Variants in ST3GAL3 observed in about 807,000 individuals in gnomAD.
The protein encoded by ST3GAL3 is CMP-N-acetylneuraminate-beta-1,4-galactoside alpha-2,3-sialyltransferase.
A neutral mutation model predicts 50.1 loss-of-function variants in ST3GAL3; 21 were observed. That is an observed-to-expected ratio of 0.42 (90% CI 0.30 to 0.60). The LOEUF (loss-of-function observed/expected upper bound fraction) is 0.60, where lower values mean the gene tolerates loss of function less well. Among genes scored for constraint, ST3GAL3 ranks in the 20% least tolerant of loss-of-function variants. The pLI, the probability that ST3GAL3 is intolerant of heterozygous loss-of-function variation, is 0.19. For synonymous variants in ST3GAL3, 183 were observed against 190.0 expected, an observed-to-expected ratio of 0.96 and a Z score of 0.30; for missense variants, 353 against 489.4, an observed-to-expected ratio of 0.72 and a Z score of 2.63.
At position 43,765,753 on chromosome 1, in the gene ST3GAL3, CTGTGTGTG is replaced by C. The variant is rs778848698; in HGVS notation, c.119-26324_119-26317del. ...TGTGCATGTGTGTGTCTGTGTGTGT[CTGTGTGTG>C]TGTGTGTGTGTGTGTGTGTGTGTGC... On this transcript the variant is annotated intron_variant, in intron 2 of 11. Transcript: ENST00000347631. Among the ~76,000 whole-genome samples, 153 of 115,808 alleles carry C rather than the reference CTGTGTGTG, an allele frequency of 1.3e-3. 1 individual carries two copies. Among genetic ancestry groups the C allele is most frequent in the African/African-American group, 4.0e-3 (126 of 31,116 alleles). The allele number at this position is 115,808 out of a possible 152,430, so 76.0% of individuals were successfully genotyped here. A position where few individuals can be genotyped will look rare whatever the true frequency, so the allele number is the denominator to read the frequency against.
chr1:43,884,333 G>T (rs1291457579), intron 5 of ST3GAL3, among the ~76,000 whole-genome samples: 3 of 152,114 alleles, frequency 2.0e-5, no homozygotes, highest in African/African-American at 7.2e-5. Context: ...TTTCTCCTTC[G>T]ACTCCTGCTC....
At chr1:43,837,045 C>G (rs2064463082) in intron 4 of ST3GAL3, among the ~76,000 whole-genome samples, 1 of 152,118 alleles carries the variant, frequency 6.6e-6, no homozygotes, top group Admixed American at 6.5e-5. Context: ...TAGGGGTCTT[C>G]TTTGTGCCCA....
chr1:43,866,567 G>C (rs750619005), intron 5 of ST3GAL3, among the ~76,000 whole-genome samples: 32 of 151,510 alleles, frequency 2.1e-4, no homozygotes, highest in Non-Finnish European at 3.5e-4. Context: ...CTGGATGACA[G>C]AGTGAGACCC....
chr1:43,909,035 T>C (rs2080321549), intron 9 of ST3GAL3, among the ~76,000 whole-genome samples: 1 of 152,222 alleles, frequency 6.6e-6, no homozygotes. Flanking sequence ...TACCCATGGA[T>C]GTATGAGATG....
chr1:43,909,286 CT>C (rs994236401), intron 9 of ST3GAL3, among the ~76,000 whole-genome samples: 2 of 152,208 alleles, frequency 1.3e-5, no homozygotes, highest in African/African-American at 4.8e-5. Flanking sequence ...GAAGGTCTTT[CT>C]TTTAGGTTCA....
intron 2 of ST3GAL3, among the ~76,000 whole-genome samples, chr1:43,786,611 G>A (rs1228490009): frequency 1.3e-5 from 2 of 152,012 alleles, no homozygotes; most frequent in Admixed American, 6.5e-5. Context: ...AATATTCTTC[G>A]TACTGCTTAT....
intron 4 of ST3GAL3, among the ~76,000 whole-genome samples, chr1:43,834,770 C>T (rs1340588390): frequency 6.6e-6 from 1 of 152,220 alleles, no homozygotes; most frequent in African/African-American, 2.4e-5. Context: ...TGTGTGTCCC[C>T]TCCAAATGTG....
At chr1:43,912,275 T>C (rs978444796) in intron 9 of ST3GAL3, 2 of 152,138 alleles carry the variant, frequency 1.3e-5, no homozygotes, top group Admixed American at 6.5e-5. Flanking sequence ...CAAACTGTCA[T>C]AACACAAAAA....
intron 2 of ST3GAL3, among the ~76,000 whole-genome samples, chr1:43,756,590 C>T (rs1185893980): frequency 1.3e-5 from 2 of 151,794 alleles, no homozygotes; most frequent in African/African-American, 2.4e-5. Flanking sequence ...CAAAATAGAA[C>T]GGTTGCCTTT....
chr1:43,930,202 A>T lies in ST3GAL3; in HGVS notation c.1109A>T (p.Asp370Val), dbSNP rs1287471114. Reference sequence around the variant, plus strand: ...CTGGTGAAAGCTCGCGTCATCACTGATCTAAGCAGTGGCATCTGAGTGGGC... The same window carrying T: ...CTGGTGAAAGCTCGCGTCATCACTGTTCTAAGCAGTGGCATCTGAGTGGGC... ...RKLVKARVIT[D>V]LSSGI The change falls in exon 12 of 12, where the codon GAT becomes GTT. Residue 370 changes from aspartate to valine, a missense_variant. By Grantham distance (152) the Asp-to-Val change is radical (BLOSUM62 -3). Transcript: ENST00000347631. 2 of 1,613,720 alleles carry T rather than the reference A, an allele frequency of 1.2e-6. No homozygotes were observed.
chr1:43,850,580 G>T, intron 5 of ST3GAL3: 1 of 741,826 alleles, frequency 1.3e-6, no homozygotes. Flanking sequence ...TATCATCTGG[G>T]CAGGTGTTCT....
intron 3 of ST3GAL3, among the ~76,000 whole-genome samples, chr1:43,793,252 T>C (rs1558322484): frequency 6.6e-6 from 1 of 152,126 alleles, no homozygotes; most frequent in Non-Finnish European, 1.5e-5. Context: ...TATGGGTACA[T>C]AGTGGGTGTA....
At chr1:43,762,655 C>A (rs1434816027) in intron 2 of ST3GAL3, among the ~76,000 whole-genome samples, 2 of 152,222 alleles carry the variant, frequency 1.3e-5, no homozygotes, top group Admixed American at 6.5e-5. Context: ...GTGTGTATCT[C>A]CATAGTTATA....
chr1:43,889,519 A>G (rs899157902), intron 5 of ST3GAL3, among the ~76,000 whole-genome samples: 3 of 152,242 alleles, frequency 2.0e-5, no homozygotes, highest in Non-Finnish European at 2.9e-5. Context: ...AATTATTTCA[A>G]CTGGCAAATG....
chr1:43,781,057 C>T (rs558812519), intron 2 of ST3GAL3, among the ~76,000 whole-genome samples: 1 of 152,272 alleles, frequency 6.6e-6, no homozygotes, highest in Admixed American at 6.5e-5. Context: ...ATTTCACGTT[C>T]AGTTCAACTT....
rs189426135 is a variant in ST3GAL3 at position 43,896,247 on chromosome 1, G to A, written c.397+1770G>A. On this transcript the variant is annotated intron_variant, in intron 6 of 11. Transcript: ENST00000347631. ...TCCAGTGAAACTGCTCAGTGTCCCGGAGAAATCCAAGGGATACTTCTCAGT... is the reference window on the plus strand; with the variant it reads ...TCCAGTGAAACTGCTCAGTGTCCCGAAGAAATCCAAGGGATACTTCTCAGT... Among the ~76,000 whole-genome samples the A allele has an allele frequency of 1.1e-4, 16 of 152,214 alleles. No individual in the cohort carries two copies. In the East Asian group the frequency reaches 3.1e-3, roughly 29 times the overall value.
chr1:43,845,485 T>C (rs2066095835), intron 5 of ST3GAL3, among the ~76,000 whole-genome samples: 1 of 152,074 alleles, frequency 6.6e-6, no homozygotes, highest in Non-Finnish European at 1.5e-5. Context: ...CAGAGTCCTC[T>C]CTTTCATGCC....
At chr1:43,830,392 A>G (rs1042591798) in intron 4 of ST3GAL3, among the ~76,000 whole-genome samples, 1 of 152,088 alleles carries the variant, frequency 6.6e-6, no homozygotes, top group Non-Finnish European at 1.5e-5. Context: ...TCTGCATTCT[A>G]TACCATAGTA....
intron 9 of ST3GAL3, among the ~76,000 whole-genome samples, chr1:43,915,536 G>C (rs1456968551): frequency 3.3e-5 from 5 of 152,152 alleles, no homozygotes; most frequent in Non-Finnish European, 7.3e-5. Context: ...ACCACCTCTT[G>C]AAGGTCAGAT....
Sources: allele counts gnomAD v4.1 joint callset (sites outside exome capture counted in the v4.1 genomes callset), GRCh38; gene constraint gnomAD v4.1.1; transcripts MANE v1.5; gene names NCBI Gene and HGNC (gene_info 2026-07-23, HGNC 2026-07-21).